FRYL: variants seen among roughly 807,000 people sequenced by gnomAD.
FRYL encodes FRY like transcription coactivator, also known as protein furry homolog-like.
Under a neutral mutation model 351.2 loss-of-function variants are expected in FRYL, and 150 were observed. The observed-to-expected ratio is 0.43, with a 90% CI of 0.37 to 0.49. The LOEUF is 0.49. Among genes scored for constraint, FRYL ranks in the 20% least tolerant of loss-of-function variants. FRYL has a pLI of 0.00. For missense variants in FRYL, 3,036 were observed against 3,619.3 expected (o/e 0.84, Z 4.13); for synonymous variants, 1,153 against 1,257.1 (o/e 0.92, Z 1.75).
rs1344426771 is a variant in FRYL, at chr4:48,567,601, GT to G, written c.2997-182del. On this transcript the variant is annotated intron_variant, in intron 27 of 63. Coordinates refer to ENST00000358350, the MANE Select transcript of FRYL (RefSeq NM_015030.2). This position sits in a 1 kb window ranked among gnomAD's most constrained non-coding sequence, Gnocchi z 4.2. Reference sequence around the variant, plus strand: ...GCTTACTTTAATATGAAAATAGATGGTGCTTCTTAATCTAGGAACTGCTATT... The same window carrying G: ...GCTTACTTTAATATGAAAATAGATGGGCTTCTTAATCTAGGAACTGCTATT... 6.6e-6 allele frequency among the ~76,000 whole-genome samples: 1 copy of G among 152,140 alleles called. No homozygotes were observed. Among genetic ancestry groups the G allele is most frequent in the Non-Finnish European group, 1.5e-5 (1 of 68,012 alleles).
chr4:48,660,479 C>T (rs1760470685), intron 3 of FRYL, among the ~76,000 whole-genome samples: 2 of 152,184 alleles, frequency 1.3e-5, no homozygotes, highest in Non-Finnish European at 2.9e-5. Flanking sequence ...CACCTGCTTT[C>T]CTCCTGGGCA....
intron 1 of FRYL, among the ~76,000 whole-genome samples, chr4:48,778,672 G>C (rs1457030786): frequency 6.6e-6 from 1 of 152,212 alleles, no homozygotes; most frequent in Non-Finnish European, 1.5e-5. Flanking sequence ...TAATGCTCAA[G>C]ATGAAAAGAC....
chr4:48,714,031 T>C (rs994808192), intron 1 of FRYL, among the ~76,000 whole-genome samples: 6 of 151,688 alleles, frequency 4.0e-5, no homozygotes, highest in Non-Finnish European at 7.4e-5. Context: ...ACTGGGTACA[T>C]AACAAAATGA....
At chr4:48,500,689 A>AG (rs1264778866) in intron 62 of FRYL, among the ~76,000 whole-genome samples, 1 of 152,128 alleles carries the variant, frequency 6.6e-6, no homozygotes, top group Non-Finnish European at 1.5e-5. Context: ...GCAGATGACA[A>AG]GGGGGGGAAA....
chr4:48,755,406 A>G (rs1246364298), intron 1 of FRYL, among the ~76,000 whole-genome samples: 2 of 152,188 alleles, frequency 1.3e-5, no homozygotes, highest in African/African-American at 2.4e-5. Flanking sequence ...ACATGCCACT[A>G]GAAATTTCTC....
Position 48,498,758 on chromosome 4 carries a change from C to T in FRYL, c.*664G>A, listed in dbSNP as rs567275279. 4 of 152,562 alleles carry T rather than the reference C, an allele frequency of 2.6e-5. No individual in the cohort carries two copies. The highest frequency in any genetic ancestry group is 9.7e-5 in the African/African-American group (4 of 41,448). 9.5% of individuals were successfully genotyped at this position (152,562 alleles called of 1,614,324 possible). A position where few individuals can be genotyped will look rare whatever the true frequency, so the allele number is the denominator to read the frequency against. ...CTTGCAGTGCTCTTTTAGGCATGCT[C>T]TGAGACGTTATCACCAAACATCCAT... On this transcript the variant is annotated 3_prime_UTR_variant, in exon 64 of 64. Transcript: ENST00000358350.
chr4:48,624,175 G>A (rs1751299740), intron 4 of FRYL, among the ~76,000 whole-genome samples: 1 of 152,090 alleles, frequency 6.6e-6, no homozygotes, highest in African/African-American at 2.4e-5. Context: ...TCAGGAGAGG[G>A]TTCTGATTTA....
At chr4:48,649,910 T>C (rs1225149655) in intron 3 of FRYL, among the ~76,000 whole-genome samples, 2 of 152,200 alleles carry the variant, frequency 1.3e-5, no homozygotes, top group Non-Finnish European at 2.9e-5. Context: ...TTATAATTAA[T>C]GATGAACTAT....
chr4:48,774,199 T>C lies in FRYL; in HGVS notation c.-384+5879A>G, dbSNP rs1248290849. 2.6e-5 allele frequency among the ~76,000 whole-genome samples: 4 copies of C among 152,310 alleles called. No homozygotes were observed. The East Asian group carries it at 7.7e-4, about 29-fold the overall frequency. ...ATTAATTGAGGTTATGGTATACAAC[T>C]CTGAAATAGAATAAAAACCACTGAA... On this transcript the variant is annotated intron_variant, in intron 1 of 63. Transcript: ENST00000358350.
intron 4 of FRYL, among the ~76,000 whole-genome samples, chr4:48,627,552 T>C (rs1752073248): frequency 6.6e-6 from 1 of 151,940 alleles, no homozygotes; most frequent in Admixed American, 6.6e-5. Flanking sequence ...AAGCGGAAAA[T>C]GGGGGTGGGT....
chr4:48,688,175 G>GA (rs2149553072), intron 2 of FRYL, among the ~76,000 whole-genome samples: 1 of 152,314 alleles, frequency 6.6e-6, no homozygotes, highest in South Asian at 2.1e-4. Context: ...TGGAATCTAT[G>GA]AAGGTCAATT....
At chr4:48,519,748 T>C (rs758730892) in intron 55 of FRYL, among the ~76,000 whole-genome samples, 5 of 151,628 alleles carry the variant, frequency 3.3e-5, no homozygotes, top group Admixed American at 6.6e-5. Flanking sequence ...CTTTTTTTTT[T>C]CTTTGGGACA....
chr4:48,499,448 C>T lies in FRYL; in HGVS notation c.9016G>A (p.Gly3006Arg), dbSNP rs767682940. The change falls in exon 64 of 64, where the codon GGA becomes AGA. Residue 3006 changes from glycine to arginine, a missense_variant. Gly to Arg is a moderately radical substitution (Grantham distance 125). Coordinates refer to ENST00000358350, the MANE Select transcript of FRYL (RefSeq NM_015030.2). ...CAGAATCCAGTGCTCACCATATTTC[C>T]CATTGGTTTGGCCTGTGCTAGAAGT... is the stretch of plus-strand genomic sequence containing the variant. ...YQLLAQAKPMGNMVSTGF is the reference protein window; with the variant it reads ...YQLLAQAKPMRNMVSTGF The T allele has an allele frequency of 1.9e-6, 3 of 1,613,924 alleles. No homozygotes were observed. Among genetic ancestry groups the T allele is most frequent in the Middle Eastern group, 3.3e-4 (2 of 6,062 alleles).
chr4:48,758,274 A>G (rs1774011497), intron 1 of FRYL, among the ~76,000 whole-genome samples: 1 of 152,246 alleles, frequency 6.6e-6, no homozygotes, highest in Non-Finnish European at 1.5e-5. Context: ...AAAAGAAACT[A>G]CCATCAGAGT....
intron 4 of FRYL, among the ~76,000 whole-genome samples, chr4:48,623,689 G>GA (rs1355102251): frequency 6.6e-6 from 1 of 151,950 alleles, no homozygotes; most frequent in East Asian, 1.9e-4. Context: ...TTTCTTATCT[G>GA]AAAAAACAAG....
At chr4:48,705,104 G>A (rs1390563719) in intron 2 of FRYL, among the ~76,000 whole-genome samples, 1 of 152,088 alleles carries the variant, frequency 6.6e-6, no homozygotes, top group Admixed American at 6.5e-5. Flanking sequence ...CTGGGTGACG[G>A]TGAGACTGTC....
intron 4 of FRYL, among the ~76,000 whole-genome samples, chr4:48,625,924 T>C (rs1314289256): frequency 6.6e-6 from 1 of 152,178 alleles, no homozygotes; most frequent in Non-Finnish European, 1.5e-5. Flanking sequence ...TACATTAATA[T>C]GTAAAGCACA....
At chr4:48,556,810 T>C (rs1331017570) in intron 35 of FRYL, among the ~76,000 whole-genome samples, 168 bp downstream of exon 35, 1 of 152,088 alleles carries the variant, frequency 6.6e-6, no homozygotes, top group East Asian at 1.9e-4. Flanking sequence ...TAGATAACAT[T>C]TGCTAACTGA....
chr4:48,757,304 C>A (rs957464313), intron 1 of FRYL, among the ~76,000 whole-genome samples: 2 of 152,164 alleles, frequency 1.3e-5, no homozygotes, highest in African/African-American at 4.8e-5. Context: ...CAAATTGTCC[C>A]TGTTTGCAGA....
Sources: gnomAD v4.1 joint callset for allele counts (sites outside exome capture counted in the v4.1 genomes callset) on GRCh38, gnomAD v4.1.1 for gene constraint, Gnocchi (gnomAD v3.1) non-coding constraint, MANE v1.5 for transcripts, NCBI Gene and HGNC (gene_info 2026-07-23, HGNC 2026-07-21) for gene names.